TTC14: variants seen among roughly 807,000 people sequenced by gnomAD.
TTC14 encodes the protein tetratricopeptide repeat domain 14.
TTC14 carries 63 observed loss-of-function variants against 79.9 expected under a neutral mutation model. The ratio of observed to expected loss-of-function variants is 0.79; its 90% CI spans 0.64 to 0.97. TTC14 has a LOEUF of 0.97. TTC14 is among the 50% of genes least tolerant of loss of function. TTC14 has a pLI of 0.00. For missense variants in TTC14, 895 were observed against 894.0 expected (o/e 1.00, Z -0.01); for synonymous variants, 335 against 309.6 (o/e 1.08, Z -0.86).
downstream of TTC14, chr3:180,613,766 A>G: frequency 2.3e-6 from 1 of 429,492 alleles, no homozygotes; most frequent in Non-Finnish European, 4.6e-6. Flanking sequence ...AGGTCTTATA[A>G]ATCTCATGCA....
chr3:180,612,406 A>C (rs1717026140), downstream of TTC14, among the ~76,000 whole-genome samples: 1 of 152,162 alleles, frequency 6.6e-6, no homozygotes, highest in Non-Finnish European at 1.5e-5. Context: ...ATAATTTATC[A>C]TCCCTTACCC....
chr3:180,613,642 C>T (rs1245541470), downstream of TTC14, among the ~76,000 whole-genome samples: 1 of 152,156 alleles, frequency 6.6e-6, no homozygotes, highest in Non-Finnish European at 1.5e-5. Context: ...TAAGATACAA[C>T]CTCTACCTTC....
At chr3:180,603,886 A>G in intron 3 of TTC14, 1 of 284,466 alleles carries the variant, frequency 3.5e-6, no homozygotes, top group South Asian at 4.1e-5. Flanking sequence ...AACAGACAAA[A>G]TACTTTGGAG....
intron 6 of TTC14, 72 bp downstream of exon 6, chr3:180,605,079 AG>A: frequency 6.7e-7 from 1 of 1,492,704 alleles, no homozygotes; most frequent in Non-Finnish European, 9.0e-7. Context: ...GTTTAGCTGA[AG>A]GACGTATTTT....
chr3:180,602,576 G>C (rs1380910999), intron 1 of TTC14, 154 bp downstream of exon 1: 1 of 1,068,020 alleles, frequency 9.4e-7, no homozygotes, highest in East Asian at 2.6e-5. Flanking sequence ...TGGACGGGGG[G>C]CGCTCCTGGG....
chr3:180,602,300 C>G lies in TTC14; in HGVS notation c.39C>G (p.His13Gln). The part of the protein sequence containing the change: ...RDLLRQSLNC[H>Q]GSSLLSLLRS... Reference sequence around the variant, plus strand: ...TTTTGCGGCAGTCGCTAAATTGCCACGGGTCGTCTTTGCTCTCTCTACTTC... The same window carrying G: ...TTTTGCGGCAGTCGCTAAATTGCCAGGGGTCGTCTTTGCTCTCTCTACTTC... Residue 13 changes from histidine to glutamine, a missense_variant, in exon 1 of 12, where the codon CAC becomes CAG. His to Gln is a conservative substitution (Grantham distance 24). Coordinates refer to ENST00000296015, the MANE Select transcript of TTC14 (RefSeq NM_133462.4). 3 of 1,614,044 alleles carry G rather than the reference C, an allele frequency of 1.9e-6. No individual in the cohort carries two copies. The highest frequency in any genetic ancestry group is 2.5e-6 in the Non-Finnish European group (3 of 1,180,024).
In TTC14 at chr3:180,605,818, G is replaced by T. The variant is rs754222237; in HGVS notation, c.910G>T (p.Ala304Ser). 2.5e-6 allele frequency: 4 copies of T among 1,570,850 alleles called. No homozygotes were observed. The African/African-American group carries it at 5.6e-5, about 22-fold the overall frequency. ...FASALRKKQS[A>S]SWALKCVKIG... Reference sequence around the variant, plus strand: ...TTCTGCATTGAGAAAAAAACAATCCGCATCTTGGGCTTTAAAATGGTATGA... The same window carrying T: ...TTCTGCATTGAGAAAAAAACAATCCTCATCTTGGGCTTTAAAATGGTATGA... The change falls in exon 7 of 12, where the codon GCA becomes TCA. Residue 304 changes from alanine (A) to serine (S), a missense_variant. By Grantham distance (99) the Ala-to-Ser change is moderately conservative. Transcript: ENST00000296015.
At position 180,610,766 on chromosome 3, in the gene TTC14, A is replaced by T; in HGVS notation, c.*224A>T. On this transcript the variant is annotated 3_prime_UTR_variant, in exon 12 of 12. Transcript: ENST00000296015. ...TTTTATGTATATGTTTATGTACAGT[A>T]TATTACTCTTGACAGTTTGAATTTC... 2.6e-6 allele frequency: 3 copies of T among 1,140,278 alleles called. No individual in the cohort carries two copies. Among genetic ancestry groups the T allele is most frequent in the Non-Finnish European group, 3.2e-6 (3 of 927,860 alleles). The allele number at this position is 1,140,278 out of a possible 1,614,324, so 70.6% of individuals were successfully genotyped here. A position where few individuals can be genotyped will look rare whatever the true frequency, so the allele number is the denominator to read the frequency against.
intron 1 of TTC14, 74 bp from the exon 2 acceptor site, chr3:180,602,817 C>T: frequency 1.3e-5 from 19 of 1,495,026 alleles, no homozygotes; most frequent in Non-Finnish European, 1.7e-5. Context: ...GCGATGAAAG[C>T]CATAAGCAGA....
rs1291819968 is a variant in TTC14 at position 180,609,817 on chromosome 3, C to G, written c.1588C>G (p.Gln530Glu). The stretch of plus-strand genomic sequence containing the variant: ...TAGGGCATCCTCAAATCAGATAGAT[C>G]AGAATAGGAAAGATGAGTGCTACCC... ...SSRASSNQID[Q>E]NRKDECYPVP... The change falls in exon 12 of 12, where the codon CAG becomes GAG. Residue 530 changes from glutamine to glutamate, a missense_variant. Coordinates refer to ENST00000296015, the MANE Select transcript of TTC14 (RefSeq NM_133462.4). The G allele has an allele frequency of 6.2e-7, 1 of 1,613,464 alleles. No homozygotes were observed. Among genetic ancestry groups the G allele is most frequent in the Non-Finnish European group, 8.5e-7 (1 of 1,179,814 alleles).
At chr3:180,604,171 C>A in intron 3 of TTC14, 54 bp from the exon 4 acceptor site, 1 of 1,457,060 alleles carries the variant, frequency 6.9e-7, no homozygotes, top group Non-Finnish European at 9.6e-7. Context: ...AAAGAAGACA[C>A]TGTTCTTATC....
intron 12 of TTC14, chr3:180,617,116 G>C: frequency 1.8e-6 from 1 of 562,140 alleles, no homozygotes; most frequent in Non-Finnish European, 3.0e-6. Flanking sequence ...TGACATCTCG[G>C]TCAATGATGG....
At position 180,617,532 on chromosome 3, in the gene TTC14, G is replaced by T. The variant is rs1173403551; in HGVS notation, c.1927G>T (p.Glu643Ter). Residue 643 changes from glutamate (E) to a stop codon, truncating the protein, a stop_gained, in exon 13 of 13, where the codon GAA becomes TAA. Coordinates refer to the TTC14 transcript ENST00000382584. LOFTEE classifies it high-confidence loss of function. ...TCAAGTGGGACAAGATATGGAGGTG[G>T]AAGACAGTGGTATTGATGATCCTGA... 9.4e-6 allele frequency: 6 copies of T among 635,728 alleles called. No individual in the cohort carries two copies. The East Asian group carries it at 1.4e-4, about 15-fold the overall frequency. 39.4% of individuals were successfully genotyped at this position (635,728 alleles called of 1,614,324 possible).
intron 3 of TTC14, 120 bp downstream of exon 3, chr3:180,603,443 A>T: frequency 1.1e-6 from 1 of 876,278 alleles, no homozygotes; most frequent in Non-Finnish European, 1.8e-6. Context: ...TGGAAATTAA[A>T]TGTTAATTGG....
In TTC14 at chr3:180,605,768, A is replaced by G. The variant is rs779171563; in HGVS notation, c.860A>G (p.Lys287Arg). The change falls in exon 7 of 12, where the codon AAA (lysine) becomes AGA (arginine). Residue 287 changes from lysine to arginine, a missense_variant and splice_region_variant. Lys to Arg is a conservative substitution (Grantham distance 26). Coordinates refer to ENST00000296015, the MANE Select transcript of TTC14 (RefSeq NM_133462.4). The part of the protein sequence containing the change: ...PPSLMRGLQS[K>R]NFSEDDFASA... Reference sequence around the variant, plus strand: ...TTAATTTTTATTTTCTTTAATAGCAAAAATTTCTCTGAAGATGATTTTGCT... The same window carrying G: ...TTAATTTTTATTTTCTTTAATAGCAGAAATTTCTCTGAAGATGATTTTGCT... 1 of 1,567,220 alleles carries G rather than the reference A, an allele frequency of 6.4e-7. No individual in the cohort carries two copies. The highest frequency in any genetic ancestry group is 8.6e-7 in the Non-Finnish European group (1 of 1,166,450).
Position 180,609,636 on chromosome 3 carries a change from GAAGA to G in TTC14, c.1410_1413del (p.Lys471GlufsTer57). On this transcript the variant is annotated frameshift_variant, in exon 12 of 12. Coordinates refer to ENST00000296015, the MANE Select transcript of TTC14 (RefSeq NM_133462.4). LOFTEE classifies it high-confidence loss of function. ...AATGAACTGTTTTTTTTAGGCTAAA[GAAGA>G]AAAGAAGAAAATCAACTTCTTCTTC... 6.5e-7 allele frequency: 1 copy of G among 1,549,686 alleles called. No individual in the cohort carries two copies. The highest frequency in any genetic ancestry group is 8.7e-7 in the Non-Finnish European group (1 of 1,155,092).
At chr3:180,608,266 T>C (rs985880389) in intron 10 of TTC14, 2 of 987,544 alleles carry the variant, frequency 2.0e-6, no homozygotes, top group African/African-American at 1.7e-5. Context: ...GCTATTTTTT[T>C]AAATGGTTTG....
chr3:180,616,580 A>T lies in TTC14; in HGVS notation c.1775-800A>T, dbSNP rs753967073. The T allele has an allele frequency of 2.5e-6, 4 of 1,601,864 alleles. No homozygotes were observed. The African/African-American group carries it at 5.4e-5, about 21-fold the overall frequency. Reference sequence around the variant, plus strand: ...ATTTTCTTCTATGATATCAACTAACATTTCATCAATAACTTTGTGAAACTG... The same window carrying T: ...ATTTTCTTCTATGATATCAACTAACTTTTCATCAATAACTTTGTGAAACTG... On this transcript the variant is annotated intron_variant, in intron 12 of 12. Coordinates refer to the TTC14 transcript ENST00000382584.
chr3:180,609,853 A>G lies in TTC14; in HGVS notation c.1624A>G (p.Asn542Asp), dbSNP rs773699154. Residue 542 changes from asparagine (N) to aspartate (D), a missense_variant, in exon 12 of 12, where the codon AAT (asparagine) becomes GAT (aspartate). Physicochemically the swap from Asn to Asp is conservative, Grantham distance 23. Coordinates refer to ENST00000296015, the MANE Select transcript of TTC14 (RefSeq NM_133462.4). ...AGATGAGTGCTACCCAGTTCCAGCTAATACTTCAGCATCTTTTCTTAACCA... is the reference window on the plus strand; with the variant it reads ...AGATGAGTGCTACCCAGTTCCAGCTGATACTTCAGCATCTTTTCTTAACCA... ...RKDECYPVPA[N>D]TSASFLNHKQ... 7 of 1,613,620 alleles carry G rather than the reference A, an allele frequency of 4.3e-6. No homozygotes were observed. Among genetic ancestry groups the G allele is most frequent in the Admixed American group, 3.3e-5 (2 of 59,954 alleles).
Sources: allele counts gnomAD v4.1 joint callset (sites outside exome capture counted in the v4.1 genomes callset), GRCh38; gene constraint gnomAD v4.1.1; transcripts MANE v1.5; gene names NCBI Gene and HGNC (gene_info 2026-07-23, HGNC 2026-07-21).